The following GARIN5A variants were observed in gnomAD, a reference collection of about 807,000 sequenced individuals.
GARIN5A encodes the protein golgi associated RAB2 interactor 5A.
the GARIN5A span, among the ~76,000 whole-genome samples, chr19:50,470,901 G>A: frequency 5.3e-5 from 8 of 151,632 alleles, no homozygotes; most frequent in African/African-American, 1.2e-4. Flanking sequence ...TGATCCACCC[G>A]CCTCGGCCTC....
chr19:50,475,689 G>A, the GARIN5A span: 2 of 701,574 alleles, frequency 2.9e-6, no homozygotes, highest in African/African-American at 3.5e-5. Context: ...AGAACTAGAA[G>A]TATGGGGTGT....
At chr19:50,476,659 G>C in the GARIN5A span, 5 of 1,519,392 alleles carry the variant, frequency 3.3e-6, no homozygotes, top group African/African-American at 1.4e-5. Context: ...TGCGCGAGGG[G>C]TGAGTGCTCT....
chr19:50,471,834 A>G, the GARIN5A span, among the ~76,000 whole-genome samples: 1 of 143,956 alleles, frequency 6.9e-6, no homozygotes, highest in Non-Finnish European at 1.5e-5. Context: ...ATACGCATAC[A>G]TATCTGTGTG....
At chr19:50,476,281 A>G in the GARIN5A span, 4 of 1,606,756 alleles carry the variant, frequency 2.5e-6, no homozygotes, top group Non-Finnish European at 2.6e-6. Context: ...CTGTGACGTC[A>G]TGATGCGGAG....
chr19:50,471,900 A>G, the GARIN5A span, among the ~76,000 whole-genome samples: 2 of 150,964 alleles, frequency 1.3e-5, no homozygotes, highest in East Asian at 1.9e-4. Context: ...ATGTATGCAT[A>G]CATGTATGTG....
chr19:50,471,957 T>C, the GARIN5A span, among the ~76,000 whole-genome samples: 1 of 139,872 alleles, frequency 7.1e-6, no homozygotes, highest in Non-Finnish European at 1.5e-5. Context: ...TATACATGTA[T>C]GTATGTATAT....
chr19:50,476,554 G>T, the GARIN5A span: 1 of 1,573,928 alleles, frequency 6.4e-7, no homozygotes, highest in Non-Finnish European at 8.6e-7. Context: ...GATGGCGGCA[G>T]CCAGCGCTGG....
At chr19:50,476,330 TG>T in the GARIN5A span, 10 of 1,587,970 alleles carry the variant, frequency 6.3e-6, no homozygotes, top group Admixed American at 1.6e-4. Context: ...GCTCCTGATT[TG>T]TGATGACGTC....
chr19:50,473,924 T>C, the GARIN5A span, among the ~76,000 whole-genome samples: 1 of 151,462 alleles, frequency 6.6e-6, no homozygotes, highest in Admixed American at 6.6e-5. Context: ...GAGGCAGAGG[T>C]TGCAGTGAGC....
At chr19:50,474,687 A>G in the GARIN5A span, among the ~76,000 whole-genome samples, 4 of 151,570 alleles carry the variant, frequency 2.6e-5, no homozygotes, top group South Asian at 8.3e-4. Context: ...GGGTTTTGCT[A>G]TGTTGGCCAG....
At chr19:50,475,919 G>A in the GARIN5A span, 1 of 1,613,550 alleles carries the variant, frequency 6.2e-7, no homozygotes, top group African/African-American at 1.3e-5. Flanking sequence ...CGTCTGGGAC[G>A]GCCCGTGGGA....
the GARIN5A span, chr19:50,476,459 G>C: frequency 1.3e-5 from 20 of 1,563,984 alleles, no homozygotes; most frequent in Non-Finnish European, 1.6e-5. Context: ...GCAGGCGCAC[G>C]GGCGTCAGGA....
the GARIN5A span, chr19:50,475,212 G>A: frequency 7.0e-7 from 1 of 1,421,160 alleles, no homozygotes; most frequent in Non-Finnish European, 9.3e-7. Flanking sequence ...AGGGCCGGTA[G>A]CACTGCCAGC....
the GARIN5A span, chr19:50,467,630 C>T: frequency 6.4e-7 from 1 of 1,561,226 alleles, no homozygotes. Flanking sequence ...ACCTCTTACT[C>T]CTGCGTGAAG....
the GARIN5A span, among the ~76,000 whole-genome samples, chr19:50,467,319 G>A: frequency 6.6e-6 from 1 of 152,004 alleles, no homozygotes; most frequent in Non-Finnish European, 1.5e-5. Context: ...AGGCCCTGGA[G>A]AGACTGCTGG....
the GARIN5A span, chr19:50,476,414 G>T: frequency 6.5e-7 from 1 of 1,546,042 alleles, no homozygotes; most frequent in South Asian, 1.2e-5. Flanking sequence ...CCCCAGGTGC[G>T]GACGGGTGCC....
At chr19:50,473,848 G>A in the GARIN5A span, among the ~76,000 whole-genome samples, 7 of 152,038 alleles carry the variant, frequency 4.6e-5, no homozygotes, top group Non-Finnish European at 7.4e-5. Flanking sequence ...TTAGCTGGGC[G>A]TGGTGGCAGG....
At chr19:50,472,188 A>ATCTG in the GARIN5A span, among the ~76,000 whole-genome samples, 2 of 104,160 alleles carry the variant, frequency 1.9e-5, no homozygotes, top group African/African-American at 9.0e-5. Context: ...GTATGTATAC[A>ATCTG]TGTATGTGTG....
the GARIN5A span, among the ~76,000 whole-genome samples, chr19:50,472,265 A>G: frequency 1.2e-4 from 14 of 115,580 alleles, no homozygotes; most frequent in African/African-American, 2.4e-4. Context: ...GTATGTGTGT[A>G]TATATGTATA....
Sources: gnomAD v4.1 joint callset for allele counts (sites outside exome capture counted in the v4.1 genomes callset) on GRCh38, gnomAD v4.1.1 for gene constraint, MANE v1.5 for transcripts, NCBI Gene and HGNC (gene_info 2026-07-23, HGNC 2026-07-21) for gene names.